CHCHD6: variants seen among roughly 807,000 people sequenced by gnomAD.
CHCHD6 encodes coiled-coil-helix-coiled-coil-helix domain containing 6.
CHCHD6 carries 28 observed loss-of-function variants against 32.3 expected under a neutral mutation model. The observed-to-expected ratio is 0.87, with a 90% CI of 0.64 to 1.19. CHCHD6 has a LOEUF of 1.19. CHCHD6 is among the 50% of genes most tolerant of loss of function. The probability of loss-of-function intolerance (pLI) is 0.00; values close to 1 mark genes in which losing one functional copy is unlikely to be tolerated. For synonymous variants in CHCHD6, 122 were observed against 117.5 expected, an observed-to-expected ratio of 1.04 and a Z score of -0.25; for missense variants, 333 against 307.0, an observed-to-expected ratio of 1.08 and a Z score of -0.63.
intron 5 of CHCHD6, among the ~76,000 whole-genome samples, chr3:126,896,737 A>G (rs1323600489): frequency 6.6e-6 from 1 of 152,118 alleles, no homozygotes; most frequent in Non-Finnish European, 1.5e-5. Flanking sequence ...GCTTCCCTAG[A>G]TGTCAACCTC....
At chr3:126,785,987 C>G (rs1001104065) in intron 4 of CHCHD6, among the ~76,000 whole-genome samples, 23 of 152,126 alleles carry the variant, frequency 1.5e-4, no homozygotes, top group African/African-American at 4.8e-4. Flanking sequence ...CTTCCCCCAC[C>G]CCACAACAGG....
At chr3:126,903,297 C>G (rs889867625) in intron 5 of CHCHD6, among the ~76,000 whole-genome samples, 1 of 152,200 alleles carries the variant, frequency 6.6e-6, no homozygotes, top group African/African-American at 2.4e-5. Context: ...GAACCACCCC[C>G]GCCTTCAGTC....
intron 1 of CHCHD6, among the ~76,000 whole-genome samples, chr3:126,717,144 C>A (rs376090806): frequency 1.3e-5 from 2 of 152,120 alleles, no homozygotes; most frequent in African/African-American, 4.8e-5. Context: ...TGGGCAAGTT[C>A]TTTAACCTCT....
chr3:126,900,719 C>T (rs1258995126), intron 5 of CHCHD6, among the ~76,000 whole-genome samples: 1 of 151,878 alleles, frequency 6.6e-6, no homozygotes, highest in East Asian at 1.9e-4. Flanking sequence ...ATTCTCCTGC[C>T]TCAGCCTCCC....
intron 6 of CHCHD6, among the ~76,000 whole-genome samples, chr3:126,940,171 C>G (rs2078538577): frequency 6.6e-6 from 1 of 152,132 alleles, no homozygotes; most frequent in South Asian, 2.1e-4. Flanking sequence ...AAAAGGAAAT[C>G]AAACAATACA....
intron 4 of CHCHD6, among the ~76,000 whole-genome samples, chr3:126,821,389 G>A (rs1940143253): frequency 6.6e-6 from 1 of 152,136 alleles, no homozygotes; most frequent in Admixed American, 6.5e-5. Context: ...TGCCTCCTGG[G>A]TTCAAGCAAT....
intron 4 of CHCHD6, among the ~76,000 whole-genome samples, chr3:126,822,955 G>A (rs1940215099): frequency 6.6e-6 from 1 of 152,040 alleles, no homozygotes; most frequent in Non-Finnish European, 1.5e-5. Flanking sequence ...ACCCAGGCTG[G>A]AGTGCGGTGG....
intron 4 of CHCHD6, among the ~76,000 whole-genome samples, chr3:126,744,303 G>A (rs1220516526): frequency 6.6e-6 from 1 of 152,220 alleles, no homozygotes; most frequent in East Asian, 1.9e-4. Flanking sequence ...GTGGAAAAAT[G>A]TTTTCAATTT....
At chr3:126,912,813 G>A (rs1227271204) in intron 5 of CHCHD6, among the ~76,000 whole-genome samples, 1 of 151,826 alleles carries the variant, frequency 6.6e-6, no homozygotes, top group Non-Finnish European at 1.5e-5. Context: ...GGAGTCCTTG[G>A]GGTAAGACTA....
intron 4 of CHCHD6, among the ~76,000 whole-genome samples, chr3:126,741,459 A>G (rs1268350943): frequency 6.6e-6 from 1 of 151,872 alleles, no homozygotes; most frequent in Non-Finnish European, 1.5e-5. Context: ...CACTTTATTG[A>G]TGGCCAGATG....
chr3:126,851,571 A>G (rs1477203230), intron 4 of CHCHD6, among the ~76,000 whole-genome samples: 1 of 152,222 alleles, frequency 6.6e-6, no homozygotes, highest in Non-Finnish European at 1.5e-5. Context: ...CACAAAAGGC[A>G]GTCCTGAGCT....
Position 126,840,741 on chromosome 3 carries a change from G to A in CHCHD6, c.412-11906G>A, listed in dbSNP as rs145279064. 3.2e-3 allele frequency among the ~76,000 whole-genome samples: 481 copies of A among 152,096 alleles called. 5 individuals carry two copies. The highest frequency in any genetic ancestry group is 0.011 in the African/African-American group (456 of 41,516). On this transcript the variant is annotated intron_variant, in intron 4 of 7. Coordinates refer to ENST00000290913, the MANE Select transcript of CHCHD6 (RefSeq NM_032343.3). ...CATTTATTTTGAAGAAAATTATAGT[G>A]TACCAGATATTTGTTTAGTACTTTA...
Position 126,771,208 on chromosome 3 carries a change from T to C in CHCHD6, c.411+37986T>C, listed in dbSNP as rs188997529. Among the ~76,000 whole-genome samples the C allele has an allele frequency of 1.1e-3, 164 of 148,432 alleles. 1 individual carries two copies. The highest frequency in any genetic ancestry group is 7.3e-3 in the Admixed American group (110 of 15,094). On this transcript the variant is annotated intron_variant, in intron 4 of 7. Coordinates refer to ENST00000290913, the MANE Select transcript of CHCHD6 (RefSeq NM_032343.3). Reference sequence around the variant, plus strand: ...TTATTTCTTTTTTTCTTTTTCCTTTTCTTTTTTTTTTTTTTGAGATGGAGT... The same window carrying C: ...TTATTTCTTTTTTTCTTTTTCCTTTCCTTTTTTTTTTTTTTGAGATGGAGT...
chr3:126,754,878 G>A (rs978711158), intron 4 of CHCHD6, among the ~76,000 whole-genome samples: 8 of 152,210 alleles, frequency 5.3e-5, no homozygotes, highest in Non-Finnish European at 1.0e-4. Context: ...ACGTCTCCAG[G>A]CTAAGAAGCT....
At chr3:126,833,205 C>T (rs1171962256) in intron 4 of CHCHD6, among the ~76,000 whole-genome samples, 2 of 152,170 alleles carry the variant, frequency 1.3e-5, no homozygotes, top group African/African-American at 2.4e-5. Flanking sequence ...AAGCCCTGTA[C>T]TCTAAGGACT....
At chr3:126,868,172 C>T (rs554612509) in intron 5 of CHCHD6, among the ~76,000 whole-genome samples, 2 of 152,378 alleles carry the variant, frequency 1.3e-5, no homozygotes, top group Admixed American at 6.5e-5. Flanking sequence ...TCAGTTTCCC[C>T]CTACAGAGTC....
chr3:126,734,804 A>G (rs1160181708), intron 4 of CHCHD6, among the ~76,000 whole-genome samples: 2 of 152,160 alleles, frequency 1.3e-5, no homozygotes, highest in African/African-American at 4.8e-5. Flanking sequence ...TGAGAAGGTG[A>G]TCGGATCCAG....
chr3:126,921,182 T>G (rs141978799), intron 6 of CHCHD6, among the ~76,000 whole-genome samples: 1 of 152,264 alleles, frequency 6.6e-6, no homozygotes, highest in East Asian at 1.9e-4. Flanking sequence ...CCAACTTGTG[T>G]TAGGACACCA....
At chr3:126,841,115 A>G (rs867440000) in intron 4 of CHCHD6, among the ~76,000 whole-genome samples, 22 of 151,812 alleles carry the variant, frequency 1.4e-4, no homozygotes, top group Admixed American at 1.3e-4. Context: ...TCATTGTTCA[A>G]TTCCCACCTA....
Sources: allele counts gnomAD v4.1 joint callset (sites outside exome capture counted in the v4.1 genomes callset), GRCh38; gene constraint gnomAD v4.1.1; transcripts MANE v1.5; gene names NCBI Gene and HGNC (gene_info 2026-07-23, HGNC 2026-07-21).